The following SRD5A3 variants were observed in gnomAD, a reference collection of about 807,000 sequenced individuals.
SRD5A3 encodes the protein steroid 5 alpha-reductase 3, also known as polyprenal reductase.
SRD5A3 carries 24 observed loss-of-function variants against 34.3 expected under a neutral mutation model. The observed-to-expected ratio is 0.70, with a 90% CI of 0.51 to 0.99. The LOEUF (loss-of-function observed/expected upper bound fraction) is 0.99. Ranked by LOEUF, SRD5A3 falls within the 50% of genes least tolerant of loss-of-function variation. The pLI, the probability that SRD5A3 is intolerant of heterozygous loss-of-function variation, is 0.00. For missense variants in SRD5A3, 350 were observed against 388.2 expected (o/e 0.90, Z 0.83); for synonymous variants, 161 against 167.3 (o/e 0.96, Z 0.29).
rs1169289183 is a variant in SRD5A3, at chr4:55,372,304, G to A, written c.*2213G>A. On this transcript the variant is annotated 3_prime_UTR_variant, in exon 5 of 5. Transcript: ENST00000264228. ...TCATTGTACTCTTAAGTAAAATAAC[G>A]AGCATCCCATGACGCACCCTGTCAG... 2 of 152,066 alleles carry A rather than the reference G, an allele frequency of 1.3e-5. No homozygotes were observed. The highest frequency in any genetic ancestry group is 2.1e-4 in the South Asian group (1 of 4,828). 9.4% of individuals were successfully genotyped at this position (152,066 alleles called of 1,614,324 possible).
In SRD5A3 at chr4:55,346,571, G is replaced by A. The variant is rs1160204026; in HGVS notation, c.221+14G>A. 2 of 1,565,264 alleles carry A rather than the reference G, an allele frequency of 1.3e-6. No homozygotes were observed. Among genetic ancestry groups the A allele is most frequent in the Non-Finnish European group, 1.7e-6 (2 of 1,156,882 alleles). ...TGTCCCCAAGAGGTAACCGCGCCCC[G>A]GTCCCGAGCCGCGGTGGTCAAGGCG... is the stretch of plus-strand genomic sequence containing the variant. On this transcript the variant is annotated intron_variant, in intron 1 of 4. Transcript: ENST00000264228.
intron 1 of SRD5A3, among the ~76,000 whole-genome samples, chr4:55,353,406 C>T (rs1016887021): frequency 1.3e-5 from 2 of 152,082 alleles, no homozygotes; most frequent in African/African-American, 2.4e-5. Flanking sequence ...TTGGTAAAAA[C>T]GGACCAATCA....
intron 1 of SRD5A3, among the ~76,000 whole-genome samples, chr4:55,350,885 C>T (rs1209595020): frequency 1.3e-5 from 2 of 151,870 alleles, no homozygotes; most frequent in African/African-American, 4.8e-5. Context: ...GCCTCAGCAC[C>T]CCCAGTAGCT....
chr4:55,349,247 G>C (rs557300745), intron 1 of SRD5A3, among the ~76,000 whole-genome samples: 39 of 152,222 alleles, frequency 2.6e-4, no homozygotes, highest in African/African-American at 8.9e-4. Context: ...TTTTGGCTAG[G>C]CTGGTCTTGA....
chr4:55,363,340 C>G (rs185193009), intron 2 of SRD5A3, among the ~76,000 whole-genome samples: 9 of 152,164 alleles, frequency 5.9e-5, no homozygotes, highest in Non-Finnish European at 1.3e-4. Flanking sequence ...GAAGCTGAGA[C>G]AGAGGATCAC....
At chr4:55,348,955 T>G (rs1475087006) in intron 1 of SRD5A3, among the ~76,000 whole-genome samples, 1 of 152,248 alleles carries the variant, frequency 6.6e-6, no homozygotes, top group Non-Finnish European at 1.5e-5. Context: ...TCTTGGTTAA[T>G]CCAAATTTAA....
At chr4:55,357,579 G>T (rs879213118) in intron 1 of SRD5A3, among the ~76,000 whole-genome samples, 1 of 152,078 alleles carries the variant, frequency 6.6e-6, no homozygotes, top group African/African-American at 2.4e-5. Context: ...GGCTCTTGAA[G>T]CCTGGAGAAG....
chr4:55,356,016 T>TTC (rs1719446643), intron 1 of SRD5A3, among the ~76,000 whole-genome samples: 1 of 143,356 alleles, frequency 7.0e-6, no homozygotes, highest in African/African-American at 2.6e-5. Context: ...TTTTTTTTTT[T>TTC]TTTTTTTTTT....
At chr4:55,368,032 C>G (rs1454956390) in intron 4 of SRD5A3, among the ~76,000 whole-genome samples, 1 of 152,132 alleles carries the variant, frequency 6.6e-6, no homozygotes, top group Non-Finnish European at 1.5e-5. Flanking sequence ...TTTAAGTTAG[C>G]TTGTGTTGAC....
chr4:55,360,169 C>G (rs1159041052), intron 2 of SRD5A3, among the ~76,000 whole-genome samples: 4 of 145,592 alleles, frequency 2.7e-5, no homozygotes, highest in Non-Finnish European at 6.0e-5. Flanking sequence ...GAGCTGAGAT[C>G]GGGCCACTGC....
intron 1 of SRD5A3, among the ~76,000 whole-genome samples, chr4:55,356,198 A>G (rs1719454840): frequency 6.6e-6 from 1 of 151,606 alleles, no homozygotes; most frequent in Non-Finnish European, 1.5e-5. Flanking sequence ...TAGTAGAAAC[A>G]GGGTTTCACC....
chr4:55,347,353 G>T (rs1470859386), intron 1 of SRD5A3, among the ~76,000 whole-genome samples: 1 of 152,250 alleles, frequency 6.6e-6, no homozygotes, highest in Admixed American at 6.5e-5. Context: ...CTTAGGCCGG[G>T]CGCAGTGGCT....
chr4:55,355,999 C>CCTTTTTTTTTTT (rs1578204604), intron 1 of SRD5A3, among the ~76,000 whole-genome samples: 1 of 65,924 alleles, frequency 1.5e-5, no homozygotes, highest in Non-Finnish European at 3.4e-5. Context: ...CTTTTGCCTC[C>CCTTTTTTTTTTT]ATTTTTTTTT....
chr4:55,356,843 C>A (rs781610457), intron 1 of SRD5A3, among the ~76,000 whole-genome samples: 11 of 152,072 alleles, frequency 7.2e-5, no homozygotes, highest in Non-Finnish European at 1.3e-4. Context: ...ATTACTACCT[C>A]ACGTCACTCA....
Position 55,371,678 on chromosome 4 carries a change from A to C in SRD5A3, c.*1587A>C, listed in dbSNP as rs1347505104. On this transcript the variant is annotated 3_prime_UTR_variant, in exon 5 of 5. Transcript: ENST00000264228. ...TGTTTTTTTTGTTTTTTTGAGATGGAGTCTCACTCTGTCGCCCAGACTGGA... is the reference window on the plus strand; with the variant it reads ...TGTTTTTTTTGTTTTTTTGAGATGGCGTCTCACTCTGTCGCCCAGACTGGA... 1.3e-5 allele frequency: 2 copies of C among 152,104 alleles called. No homozygotes were observed. 9.4% of individuals were successfully genotyped at this position (152,104 alleles called of 1,614,324 possible).
intron 2 of SRD5A3, among the ~76,000 whole-genome samples, chr4:55,363,038 G>A (rs1196071777): frequency 6.6e-6 from 1 of 151,488 alleles, no homozygotes; most frequent in Admixed American, 6.6e-5. Context: ...GTAGAGACAG[G>A]GTTTCACCAT....
chr4:55,359,782 T>C (rs555856993), intron 2 of SRD5A3, among the ~76,000 whole-genome samples: 25 of 152,334 alleles, frequency 1.6e-4, no homozygotes, highest in African/African-American at 6.0e-4. Flanking sequence ...TTTTTAGTAC[T>C]GTTGATAAAT....
At chr4:55,347,587 C>T (rs1719041377) in intron 1 of SRD5A3, among the ~76,000 whole-genome samples, 1 of 152,140 alleles carries the variant, frequency 6.6e-6, no homozygotes, top group South Asian at 2.1e-4. Context: ...ATAATCATGG[C>T]ACTGCACTCT....
intron 3 of SRD5A3, 88 bp downstream of exon 3, chr4:55,364,359 C>A: frequency 7.0e-7 from 1 of 1,435,596 alleles, no homozygotes; most frequent in Non-Finnish European, 9.7e-7. Flanking sequence ...CATTATGAGA[C>A]ATGCAGAAGT....
Sources: gnomAD v4.1 joint callset for allele counts (sites outside exome capture counted in the v4.1 genomes callset) on GRCh38, gnomAD v4.1.1 for gene constraint, MANE v1.5 for transcripts, NCBI Gene and HGNC (gene_info 2026-07-23, HGNC 2026-07-21) for gene names.